The following IPCEF1 variants were observed in gnomAD, a reference collection of about 807,000 sequenced individuals.
IPCEF1 encodes the protein interaction protein for cytohesin exchange factors 1, also known as interactor protein for cytohesin exchange factors 1.
A neutral mutation model predicts 50.9 loss-of-function variants in IPCEF1; 31 were observed. The observed-to-expected ratio is 0.61, with a 90% confidence interval of 0.46 to 0.82. The LOEUF (loss-of-function observed/expected upper bound fraction) is 0.82, where lower values mean the gene tolerates loss of function less well. Ranked by LOEUF, IPCEF1 falls within the 40% of genes least tolerant of loss-of-function variation. IPCEF1 has a pLI of 0.00. For missense variants in IPCEF1, 458 were observed against 514.0 expected (o/e 0.89, Z 1.05); for synonymous variants, 181 against 192.0 (o/e 0.94, Z 0.47).
Position 154,159,748 on chromosome 6 carries a change from T to G in IPCEF1, c.*80A>C, listed in dbSNP as rs1032859995. The G allele has an allele frequency of 8.8e-7, 1 of 1,138,164 alleles. No homozygotes were observed. Among genetic ancestry groups the G allele is most frequent in the South Asian group, 1.4e-5 (1 of 71,944 alleles). The allele number at this position is 1,138,164 out of a possible 1,614,324, so 70.5% of individuals were successfully genotyped here. On this transcript the variant is annotated 3_prime_UTR_variant, in exon 12 of 12. Transcript: ENST00000367220. ...AAGGACTGGGTTTCAGTTTTCCTTT[T>G]AAGGAAAAATGTAAGCTTTTGCAAC...
chr6:154,273,846 C>T (rs573634935), intron 2 of IPCEF1, among the ~76,000 whole-genome samples: 60 of 146,886 alleles, frequency 4.1e-4, no homozygotes, highest in African/African-American at 1.4e-3. Context: ...CTCCGCCTCC[C>T]GGGTTCACGG....
intron 3 of IPCEF1, among the ~76,000 whole-genome samples, chr6:154,260,518 G>A (rs1302333157): frequency 6.6e-6 from 1 of 150,436 alleles, no homozygotes; most frequent in Non-Finnish European, 1.5e-5. Context: ...TATCCCCCAG[G>A]CTAGAGTGCA....
intron 1 of IPCEF1, among the ~76,000 whole-genome samples, chr6:154,294,839 A>G (rs1479589838): frequency 6.6e-6 from 1 of 152,158 alleles, no homozygotes; most frequent in African/African-American, 2.4e-5. Context: ...GGAGTTCAAG[A>G]TCACCCTGGA....
intron 2 of IPCEF1, among the ~76,000 whole-genome samples, chr6:154,288,587 C>A (rs1470075293): frequency 6.9e-6 from 1 of 144,304 alleles, no homozygotes; most frequent in African/African-American, 2.6e-5. Context: ...CGCTTGAACC[C>A]AGGAGACCGA....
chr6:154,180,400 ATATATATATATATATT>A (rs1408984914), intron 10 of IPCEF1, among the ~76,000 whole-genome samples: 74 of 81,992 alleles, frequency 9.0e-4, no homozygotes, highest in East Asian at 2.0e-3. Flanking sequence ...ATATATATAT[ATATATATATATATATT>A]TTTTTTTTAA....
At chr6:154,304,904 G>A (rs1782892601) in intron 1 of IPCEF1, among the ~76,000 whole-genome samples, 1 of 152,114 alleles carries the variant, frequency 6.6e-6, no homozygotes, top group South Asian at 2.1e-4. Flanking sequence ...ACCTGAGGTT[G>A]GGAGCTCAAG....
At chr6:154,309,323 A>G (rs1783014731) in intron 1 of IPCEF1, among the ~76,000 whole-genome samples, 1 of 152,122 alleles carries the variant, frequency 6.6e-6, no homozygotes, top group Non-Finnish European at 1.5e-5. Context: ...CCCCCACTCT[A>G]TGGTGGCAGG....
intron 1 of IPCEF1, among the ~76,000 whole-genome samples, chr6:154,345,052 TAG>T (rs1009374678): frequency 3.3e-5 from 5 of 152,218 alleles, no homozygotes; most frequent in African/African-American, 4.8e-5. Flanking sequence ...ATACATTTTG[TAG>T]AGACAGGGTT....
At chr6:154,330,022 T>G (rs550668145) in intron 1 of IPCEF1, 3 of 152,296 alleles carry the variant, frequency 2.0e-5, no homozygotes, top group Non-Finnish European at 4.4e-5. Flanking sequence ...ACAACCTACC[T>G]CCGTCCCAAG....
chr6:154,235,269 G>T (rs192572358), intron 5 of IPCEF1, among the ~76,000 whole-genome samples: 1 of 152,232 alleles, frequency 6.6e-6, no homozygotes, highest in Admixed American at 6.5e-5. Context: ...GGTGGCTCAC[G>T]CCTGTAATCC....
intron 2 of IPCEF1, among the ~76,000 whole-genome samples, chr6:154,287,728 C>T (rs1006297079): frequency 1.3e-5 from 2 of 152,102 alleles, no homozygotes; most frequent in Admixed American, 6.5e-5. Flanking sequence ...TACTAGATGC[C>T]CACTGTGATG....
intron 10 of IPCEF1, among the ~76,000 whole-genome samples, chr6:154,175,571 G>T (rs1434387346): frequency 6.6e-6 from 1 of 152,046 alleles, no homozygotes; most frequent in Non-Finnish European, 1.5e-5. Context: ...AGAAAATCTA[G>T]AAGAAACTGA....
In IPCEF1 at chr6:154,265,929, T is replaced by C; in HGVS notation, c.19A>G (p.Ile7Val). MTSYMA[I>V]DGSALQVPLR... Reference sequence around the variant, plus strand: ...ATACTTACAAGAGCACTGCCATCAATAGCCATGTATGATGTCATCTTAGTA... The same window carrying C: ...ATACTTACAAGAGCACTGCCATCAACAGCCATGTATGATGTCATCTTAGTA... Residue 7 changes from isoleucine to valine, a missense_variant, in exon 3 of 12, where the codon ATT becomes GTT. By Grantham distance (29) the Ile-to-Val change is conservative (BLOSUM62 3). Coordinates refer to ENST00000367220, the MANE Select transcript of IPCEF1 (RefSeq NM_001130700.2). 2 of 1,602,424 alleles carry C rather than the reference T, an allele frequency of 1.2e-6. No individual in the cohort carries two copies. Among genetic ancestry groups the C allele is most frequent in the Non-Finnish European group, 1.7e-6 (2 of 1,173,690 alleles).
intron 5 of IPCEF1, among the ~76,000 whole-genome samples, chr6:154,235,720 A>G (rs1212939717): frequency 6.6e-6 from 1 of 152,102 alleles, no homozygotes; most frequent in African/African-American, 2.4e-5. Flanking sequence ...CCACTAAGAA[A>G]ATCTGGTTCA....
In IPCEF1 at chr6:154,261,938, T is replaced by C. The variant is rs78874139; in HGVS notation, c.36+3974A>G. On this transcript the variant is annotated intron_variant, in intron 3 of 11. Transcript: ENST00000367220. The stretch of plus-strand genomic sequence containing the variant: ...AAATGAAGTGTAATTCAAGATGTGA[T>C]TAGGTCAAAGGTGTCAAACCTACTG... Among the ~76,000 whole-genome samples the C allele has an allele frequency of 3.9e-4, 59 of 152,300 alleles. No homozygotes were observed. The East Asian group carries it at 0.011, about 28-fold the overall frequency.
At chr6:154,343,123 G>A (rs953126323) in intron 1 of IPCEF1, among the ~76,000 whole-genome samples, 1 of 152,144 alleles carries the variant, frequency 6.6e-6, no homozygotes, top group Non-Finnish European at 1.5e-5. Flanking sequence ...AAAAGAGAGA[G>A]AGAGATAGAG....
rs1402217891 is a variant in IPCEF1, at chr6:154,275,136, C to T, written c.-17-9172G>A. Among the ~76,000 whole-genome samples the T allele has an allele frequency of 2.6e-5, 4 of 152,196 alleles. No homozygotes were observed. In the East Asian group the frequency reaches 7.7e-4, roughly 29 times the overall value. On this transcript the variant is annotated intron_variant, in intron 2 of 11. Coordinates refer to ENST00000367220, the MANE Select transcript of IPCEF1 (RefSeq NM_001130700.2). Reference sequence around the variant, plus strand: ...ACCATCACACCTGCCTCTCCTACGCCAGCTCCAGATCCAAGGAACTTCTAG... The same window carrying T: ...ACCATCACACCTGCCTCTCCTACGCTAGCTCCAGATCCAAGGAACTTCTAG...
intron 2 of IPCEF1, among the ~76,000 whole-genome samples, chr6:154,271,393 A>G (rs1781898730): frequency 6.6e-6 from 1 of 152,100 alleles, no homozygotes; most frequent in Non-Finnish European, 1.5e-5. Context: ...ATAAAAATCC[A>G]TATGATAGTG....
chr6:154,212,722 T>C, intron 9 of IPCEF1, 48 bp downstream of exon 9: 1 of 1,232,530 alleles, frequency 8.1e-7, no homozygotes, highest in Non-Finnish European at 1.2e-6. Flanking sequence ...AGAAATGACA[T>C]CCACATGTCT....
Sources: allele counts gnomAD v4.1 joint callset (sites outside exome capture counted in the v4.1 genomes callset), GRCh38; gene constraint gnomAD v4.1.1; transcripts MANE v1.5; gene names NCBI Gene and HGNC (gene_info 2026-07-23, HGNC 2026-07-21).